USP54: variants seen among roughly 807,000 people sequenced by gnomAD.
The protein encoded by USP54 is ubiquitin carboxyl-terminal hydrolase 54.
In USP54, 87 loss-of-function variants were observed where a neutral mutation model predicts 170.5. The observed-to-expected ratio is 0.51, with a 90% CI of 0.43 to 0.61. The LOEUF is 0.61. USP54 is among the 20% of genes least tolerant of loss of function. USP54 has a pLI of 0.00. For synonymous variants in USP54, 655 were observed against 742.8 expected (o/e 0.88, Z 1.92); for missense variants, 1,786 against 2,047.8 (o/e 0.87, Z 2.47).
rs186950375 is a variant in USP54 at position 73,546,234 on chromosome 10, C to A, written c.241-562G>T. ...TTAAGACTGCCCCACTCTCTACCAG[C>A]CACTCATATCATAAATTTGTTGTAT... On this transcript the variant is annotated intron_variant, in intron 4 of 23. Transcript: ENST00000687698. Among the ~76,000 whole-genome samples, 3 of 152,314 alleles carry A rather than the reference C, an allele frequency of 2.0e-5. No individual in the cohort carries two copies. The East Asian group carries it at 5.8e-4, about 29-fold the overall frequency.
At chr10:73,540,380 C>T (rs2066340423) in intron 9 of USP54, among the ~76,000 whole-genome samples, 1 of 151,762 alleles carries the variant, frequency 6.6e-6, no homozygotes, top group Admixed American at 6.6e-5. Context: ...ACCATCCTGG[C>T]TAACATGGTG....
intron 1 of USP54, among the ~76,000 whole-genome samples, chr10:73,604,106 G>A (rs953156474): frequency 1.7e-4 from 26 of 151,980 alleles, no homozygotes; most frequent in East Asian, 1.6e-3. Flanking sequence ...AAAATTAGCC[G>A]TGTGTGGTGG....
intron 4 of USP54, among the ~76,000 whole-genome samples, chr10:73,550,903 G>A (rs1274593434): frequency 6.6e-6 from 1 of 152,034 alleles, no homozygotes. Flanking sequence ...TCAGGAGATC[G>A]AGACCATCCT....
chr10:73,592,444 A>T (rs1428400042), upstream of USP54, among the ~76,000 whole-genome samples: 4 of 149,052 alleles, frequency 2.7e-5, no homozygotes, highest in Admixed American at 6.8e-5. Context: ...AAATTGAAGT[A>T]GTCCTTTGGC....
chr10:73,573,739 T>C (rs2075652084), intron 3 of USP54, among the ~76,000 whole-genome samples: 1 of 152,128 alleles, frequency 6.6e-6, no homozygotes, highest in African/African-American at 2.4e-5. Context: ...CACTCCAGCC[T>C]GGGCGACAGA....
chr10:73,513,832 T>A (rs2133258054), intron 20 of USP54, among the ~76,000 whole-genome samples: 1 of 152,204 alleles, frequency 6.6e-6, no homozygotes, highest in East Asian at 1.9e-4. Flanking sequence ...TTTTTGGTTT[T>A]GAGATAGAGT....
At chr10:73,557,207 G>C (rs1453243249) in intron 4 of USP54, among the ~76,000 whole-genome samples, 4 of 152,134 alleles carry the variant, frequency 2.6e-5, no homozygotes, top group Non-Finnish European at 5.9e-5. Flanking sequence ...TAATAAATAA[G>C]ACCACTGGGC....
intron 20 of USP54, among the ~76,000 whole-genome samples, chr10:73,511,080 T>C (rs892506431): frequency 3.3e-5 from 5 of 150,726 alleles, no homozygotes; most frequent in Middle Eastern, 3.5e-3. Flanking sequence ...GGGTACAAAG[T>C]TTCTGATGAA....
chr10:73,577,903 A>T (rs1394405441), intron 1 of USP54, among the ~76,000 whole-genome samples: 1 of 152,116 alleles, frequency 6.6e-6, no homozygotes, highest in African/African-American at 2.4e-5. Flanking sequence ...CAAGGCCACT[A>T]AGCAACTTCC....
chr10:73,509,105 C>CAAAAAAAAAAAAAAAAA (rs34441562), intron 20 of USP54, among the ~76,000 whole-genome samples: 1 of 47,294 alleles, frequency 2.1e-5, no homozygotes. Flanking sequence ...ATCATACTGG[C>CAAAAAAAAAAAAAAAAA]AAAAAAAAAA....
chr10:73,612,369 C>A (rs2080219818), intron 1 of USP54, among the ~76,000 whole-genome samples: 1 of 152,062 alleles, frequency 6.6e-6, no homozygotes, highest in Non-Finnish European at 1.5e-5. Flanking sequence ...TGTTTTAATT[C>A]ATAAATTTAT....
chr10:73,581,602 C>T (rs1377357567), intron 1 of USP54, among the ~76,000 whole-genome samples: 1 of 152,174 alleles, frequency 6.6e-6, no homozygotes, highest in African/African-American at 2.4e-5. Flanking sequence ...GTCAGAGAAT[C>T]TAAGTCTGCC....
chr10:73,500,698 A>C lies in USP54; in HGVS notation c.4452T>G (p.Asp1484Glu). 1.9e-6 allele frequency: 3 copies of C among 1,607,668 alleles called. No individual in the cohort carries two copies. The highest frequency in any genetic ancestry group is 1.7e-6 in the Non-Finnish European group (2 of 1,177,034). The change falls in exon 23 of 24, where the codon GAT becomes GAG. Residue 1484 changes from aspartate to glutamate, a missense_variant. Around this residue, in one of 3 missense-constraint regions of USP54, gnomAD observed 1,418 missense variants for 1,569.0 expected, o/e 0.90. Coordinates refer to ENST00000687698, the MANE Select transcript of USP54 (RefSeq NM_001391956.1). ...CCCCTGCCATGGTGGGCATCAGGAC[A>C]TCTGGGGACAGGAACTGTGGTTGGG... ...YLPQPQFLSP[D>E]VLMPTMAGEP...
chr10:73,583,807 T>G (rs779143615), intron 1 of USP54, among the ~76,000 whole-genome samples: 1 of 150,832 alleles, frequency 6.6e-6, no homozygotes, highest in Non-Finnish European at 1.5e-5. Flanking sequence ...AAAGGAAAAA[T>G]AATAATGGTA....
intron 18 of USP54, 70 bp downstream of exon 18, chr10:73,520,838 G>A (rs532582633): frequency 1.9e-6 from 3 of 1,602,024 alleles, no homozygotes; most frequent in Admixed American, 1.7e-5. Flanking sequence ...CTGTCTGAGT[G>A]ACAACACTAA....
intron 20 of USP54, chr10:73,506,107 A>C (rs1354826184): frequency 6.6e-6 from 1 of 152,234 alleles, no homozygotes; most frequent in Non-Finnish European, 1.5e-5. Context: ...TGATCATAAT[A>C]ATCATCTATC....
rs138143368 is a variant in USP54, at chr10:73,556,636, G to A, written c.241-10964C>T. On this transcript the variant is annotated intron_variant, in intron 4 of 23. Coordinates refer to ENST00000687698, the MANE Select transcript of USP54 (RefSeq NM_001391956.1). ...TGGGATTACAGGCATGAGCCACCGC[G>A]CCCGGGCTGAGTAATTTCTTATATC... is the stretch of plus-strand genomic sequence containing the variant. Among the ~76,000 whole-genome samples the A allele has an allele frequency of 4.7e-3, 721 of 152,144 alleles. 4 individuals are homozygous for A. Among genetic ancestry groups the A allele is most frequent in the Non-Finnish European group, 7.4e-3 (505 of 67,990 alleles).
At chr10:73,547,041 G>A (rs898818637) in intron 4 of USP54, among the ~76,000 whole-genome samples, 17 of 152,098 alleles carry the variant, frequency 1.1e-4, no homozygotes, top group Admixed American at 6.5e-5. Context: ...GTATTTGAAT[G>A]CACATCACTT....
At chr10:73,591,646 A>G (rs1177079563), upstream of USP54, 1 of 152,244 alleles carries the variant, frequency 6.6e-6, no homozygotes, top group Non-Finnish European at 1.5e-5. Flanking sequence ...AAGAAAAACA[A>G]TTATGAAGCT....
Sources: allele counts gnomAD v4.1 joint callset (sites outside exome capture counted in the v4.1 genomes callset), GRCh38; gene constraint gnomAD v4.1.1; regional missense constraint gnomAD v4.1.1; transcripts MANE v1.5; gene names NCBI Gene and HGNC (gene_info 2026-07-23, HGNC 2026-07-21).